The following CLCN6 variants were observed in gnomAD, a reference collection of about 807,000 sequenced individuals.
CLCN6 encodes the protein Cl-/H+ antiporter 6, also known as H(+)/Cl(-) exchange transporter 6.
In CLCN6, 70 loss-of-function variants were observed where a neutral mutation model predicts 109.8. The ratio of observed to expected loss-of-function variants is 0.64; its 90% confidence interval spans 0.53 to 0.78. The LOEUF (loss-of-function observed/expected upper bound fraction) is 0.78, where lower values mean the gene tolerates loss of function less well. Ranked by LOEUF, CLCN6 falls within the 30% of genes least tolerant of loss-of-function variation. The pLI is 0.00. For synonymous variants in CLCN6, 444 were observed against 447.8 expected (o/e 0.99, Z 0.11); for missense variants, 984 against 1,142.3 (o/e 0.86, Z 2.00).
intron 18 of CLCN6, 110 bp downstream of exon 18, chr1:11,836,263 G>A (rs1457316800): frequency 2.0e-6 from 2 of 987,176 alleles, no homozygotes; most frequent in Non-Finnish European, 3.0e-6. Context: ...GGCTCTCAGG[G>A]GAAGTTGGCA....
intron 3 of CLCN6, among the ~76,000 whole-genome samples, chr1:11,816,177 A>G (rs148368184): frequency 6.6e-6 from 1 of 152,238 alleles, no homozygotes; most frequent in East Asian, 1.9e-4. Context: ...TTTTAGCCAT[A>G]AAGTATTTTT....
At chr1:11,819,687 A>G (rs1644717733) in intron 5 of CLCN6, 133 bp downstream of exon 5, 2 of 737,536 alleles carry the variant, frequency 2.7e-6, no homozygotes, top group Non-Finnish European at 4.7e-6. Context: ...TAATATTTCT[A>G]ATGATCACTG....
intron 4 of CLCN6, among the ~76,000 whole-genome samples, chr1:11,817,918 AT>A (rs1326372162): frequency 6.6e-6 from 1 of 152,120 alleles, no homozygotes; most frequent in Non-Finnish European, 1.5e-5. Context: ...TGATATTCTG[AT>A]GGATACCATT....
chr1:11,827,487 G>GGGCAGTGACGCGATCTC (rs1553119837), intron 10 of CLCN6, among the ~76,000 whole-genome samples: 2 of 146,080 alleles, frequency 1.4e-5, no homozygotes, highest in Admixed American at 7.0e-5. Flanking sequence ...CCAGGCTGGA[G>GGGCAGTGACGCGATCTC]GGCAGTGACG....
intron 10 of CLCN6, 152 bp from the exon 11 acceptor site, chr1:11,827,954 G>C (rs999861268): frequency 4.4e-6 from 3 of 683,668 alleles, no homozygotes; most frequent in South Asian, 1.8e-5. Flanking sequence ...TCATACCTGG[G>C]GTGTATCTAC....
Position 11,823,695 on chromosome 1 carries a change from C to G in CLCN6, c.454-12C>G. 2.5e-6 allele frequency: 4 copies of G among 1,614,092 alleles called. No homozygotes were observed. Among genetic ancestry groups the G allele is most frequent in the Non-Finnish European group, 3.4e-6 (4 of 1,179,944 alleles). ...ATTTCGAGTTATGGGTGTGCCTGCTCTCCTCCATCAGCCGGTGGCAGCAGG... is the reference window on the plus strand; with the variant it reads ...ATTTCGAGTTATGGGTGTGCCTGCTGTCCTCCATCAGCCGGTGGCAGCAGG... On this transcript the variant is annotated splice_polypyrimidine_tract_variant and intron_variant, in intron 6 of 22. Transcript: ENST00000346436.
intron 2 of CLCN6, among the ~76,000 whole-genome samples, chr1:11,808,764 G>A (rs374276955): frequency 3.3e-5 from 5 of 150,918 alleles, no homozygotes; most frequent in South Asian, 2.1e-4. Flanking sequence ...ATTTGGAGCC[G>A]TTTGTATAGT....
At chr1:11,833,799 G>A (rs1644909152) in intron 14 of CLCN6, 78 bp from the exon 15 acceptor site, 5 of 1,565,840 alleles carry the variant, frequency 3.2e-6, no homozygotes, top group Non-Finnish European at 4.3e-6. Flanking sequence ...CTGGTATGGG[G>A]TGTGGTCGGG....
intron 1 of CLCN6, 85 bp from the exon 2 acceptor site, chr1:11,807,046 C>T (rs1557775394): frequency 8.3e-7 from 1 of 1,205,908 alleles, no homozygotes; most frequent in Non-Finnish European, 1.2e-6. Context: ...GATTTAGAAG[C>T]TAGCCACTGA....
Position 11,822,364 on chromosome 1 carries a change from T to G in CLCN6, c.347-331T>G, listed in dbSNP as rs371437578. Reference sequence around the variant, plus strand: ...GCCTCAGCCTCCCAGGCTCAAGCGATCCTCCCACCTCAGCTTCTTGAGTAG... The same window carrying G: ...GCCTCAGCCTCCCAGGCTCAAGCGAGCCTCCCACCTCAGCTTCTTGAGTAG... On this transcript the variant is annotated intron_variant, in intron 5 of 22. Coordinates refer to ENST00000346436, the MANE Select transcript of CLCN6 (RefSeq NM_001286.5). Among the ~76,000 whole-genome samples, 22 of 152,256 alleles carry G rather than the reference T, an allele frequency of 1.4e-4. 2 individuals carry two copies. The highest frequency in any genetic ancestry group is 3.9e-4 in the Admixed American group (6 of 15,300).
intron 6 of CLCN6, 75 bp from the exon 7 acceptor site, chr1:11,823,632 C>A: frequency 6.2e-7 from 1 of 1,600,574 alleles, no homozygotes; most frequent in South Asian, 1.1e-5. Flanking sequence ...CCCTCTTCCG[C>A]CGCCCAGATT....
intron 8 of CLCN6, 89 bp from the exon 9 acceptor site, chr1:11,826,067 C>CTTTTTT (rs3216184): frequency 1.2e-6 from 1 of 827,226 alleles, no homozygotes; most frequent in Non-Finnish European, 1.9e-6. Flanking sequence ...GACCTGTGTT[C>CTTTTTT]TTTTTTTTTT....
At chr1:11,806,708 T>C in intron 1 of CLCN6, 1 of 354,012 alleles carries the variant, frequency 2.8e-6, no homozygotes, top group Non-Finnish European at 5.1e-6. Flanking sequence ...CAGTCCTTTC[T>C]CACTCTATCC....
At chr1:11,811,039 C>A (rs185843481) in intron 2 of CLCN6, among the ~76,000 whole-genome samples, 1 of 151,998 alleles carries the variant, frequency 6.6e-6, no homozygotes, top group African/African-American at 2.4e-5. Flanking sequence ...GGCGAGACTC[C>A]ATCTCAACAA....
intron 5 of CLCN6, 76 bp from the exon 6 acceptor site, chr1:11,822,619 G>A (rs1238103165): frequency 3.6e-5 from 30 of 841,996 alleles, no homozygotes; most frequent in Non-Finnish European, 5.4e-5. Flanking sequence ...CAAAGGAGAA[G>A]CAGCTGCACC....
At position 11,834,433 on chromosome 1, in the gene CLCN6, G is replaced by A; in HGVS notation, c.1686+38G>A. On this transcript the variant is annotated intron_variant, in intron 16 of 22. Transcript: ENST00000346436. The surrounding 1 kb of genome is among the most constrained non-coding windows in gnomAD (Gnocchi z 4.5). Reference sequence around the variant, plus strand: ...CCTCCAGGCCCCTGTCAGGCTCAGGGCCACGTCCGCCCCACAGGACCTATT... The same window carrying A: ...CCTCCAGGCCCCTGTCAGGCTCAGGACCACGTCCGCCCCACAGGACCTATT... The A allele has an allele frequency of 6.2e-7, 1 of 1,613,098 alleles. No individual in the cohort carries two copies. Among genetic ancestry groups the A allele is most frequent in the East Asian group, 2.2e-5 (1 of 44,864 alleles).
In CLCN6 at chr1:11,837,512, G is replaced by A. The variant is rs370323243; in HGVS notation, c.2295+13G>A. ...TGAAAGCCAGTCGGTAAGTCTCTCC[G>A]AGGCAGAAATCAGCCAGGCCAGACC... On this transcript the variant is annotated intron_variant, in intron 20 of 22. Coordinates refer to ENST00000346436, the MANE Select transcript of CLCN6 (RefSeq NM_001286.5). 18 of 1,610,746 alleles carry A rather than the reference G, an allele frequency of 1.1e-5. No homozygotes were observed. The highest frequency in any genetic ancestry group is 5.0e-5 in the Admixed American group (3 of 59,918).
intron 22 of CLCN6, 144 bp from the exon 23 acceptor site, chr1:11,839,999 G>T (rs149913222): frequency 1.4e-6 from 1 of 723,438 alleles, no homozygotes; most frequent in Admixed American, 2.0e-5. Flanking sequence ...CTCGTTAGCT[G>T]TTTATCCCAA....
intron 7 of CLCN6, among the ~76,000 whole-genome samples, chr1:11,824,067 G>A (rs1644780950): frequency 6.6e-6 from 1 of 152,220 alleles, no homozygotes; most frequent in South Asian, 2.1e-4. Flanking sequence ...TGTGGAATTA[G>A]CTTTTGTCAA....
Sources: gnomAD v4.1 joint callset for allele counts (sites outside exome capture counted in the v4.1 genomes callset) on GRCh38, gnomAD v4.1.1 for gene constraint, Gnocchi (gnomAD v3.1) non-coding constraint, MANE v1.5 for transcripts, NCBI Gene and HGNC (gene_info 2026-07-23, HGNC 2026-07-21) for gene names.